Variants in LRRIQ3 observed in about 807,000 individuals in gnomAD.
The protein encoded by LRRIQ3 is leucine rich repeats and IQ motif containing 3.
In LRRIQ3, 75 loss-of-function variants were observed where a neutral mutation model predicts 59.3. The observed-to-expected ratio is 1.26, with a 90% confidence interval of 1.05 to 1.53. The LOEUF is 1.53. Ranked by LOEUF, LRRIQ3 falls within the 40% of genes most tolerant of loss-of-function variation. The pLI, the probability that LRRIQ3 is intolerant of heterozygous loss-of-function variation, is 0.00. For missense variants in LRRIQ3, 831 were observed against 710.0 expected (o/e 1.17, Z -1.94); for synonymous variants, 250 against 231.3 (o/e 1.08, Z -0.73).
At chr1:74,090,906 T>C (rs1646388146) in intron 5 of LRRIQ3, among the ~76,000 whole-genome samples, 1 of 151,826 alleles carries the variant, frequency 6.6e-6, no homozygotes, top group Non-Finnish European at 1.5e-5. Flanking sequence ...TCAAAAAGAA[T>C]AAGTAAATAC....
At chr1:74,114,155 A>G (rs1193041209) in intron 4 of LRRIQ3, among the ~76,000 whole-genome samples, 1 of 151,996 alleles carries the variant, frequency 6.6e-6, no homozygotes, top group African/African-American at 2.4e-5. Flanking sequence ...TGGTAGCTCA[A>G]ATCCACAAAA....
At chr1:74,039,850 C>T (rs1191306606) in intron 7 of LRRIQ3, among the ~76,000 whole-genome samples, 2 of 152,044 alleles carry the variant, frequency 1.3e-5, no homozygotes, top group Non-Finnish European at 2.9e-5. Context: ...ATATAATGAC[C>T]AATGACACTA....
chr1:74,044,609 T>C (rs1331729560), intron 6 of LRRIQ3, among the ~76,000 whole-genome samples: 5 of 151,696 alleles, frequency 3.3e-5, no homozygotes, highest in Admixed American at 1.3e-4. Context: ...AAGAAATAAC[T>C]AAGATCAAAG....
At chr1:74,048,164 A>T (rs1248560102) in intron 6 of LRRIQ3, among the ~76,000 whole-genome samples, 1 of 152,162 alleles carries the variant, frequency 6.6e-6, no homozygotes, top group African/African-American at 2.4e-5. Flanking sequence ...AGACTAACAC[A>T]AAGGAAGTTC....
intron 3 of LRRIQ3, among the ~76,000 whole-genome samples, chr1:74,167,964 A>T (rs1424056571): frequency 6.6e-6 from 1 of 151,914 alleles, no homozygotes; most frequent in African/African-American, 2.4e-5. Flanking sequence ...AAATTTATTG[A>T]TATTTGTTTT....
intron 3 of LRRIQ3, among the ~76,000 whole-genome samples, chr1:74,161,921 T>C (rs545737421): frequency 4.3e-4 from 65 of 151,792 alleles, no homozygotes; most frequent in Non-Finnish European, 4.7e-4. Context: ...GGAATCCTCT[T>C]TGTAAAATAA....
intron 3 of LRRIQ3, among the ~76,000 whole-genome samples, chr1:74,158,960 CCAGCACA>C: frequency 6.6e-6 from 1 of 152,238 alleles, no homozygotes; most frequent in Middle Eastern, 3.4e-3. Flanking sequence ...TCAGCCCCAG[CCAGCACA>C]CAGTCTCCCT....
intron 4 of LRRIQ3, among the ~76,000 whole-genome samples, chr1:74,151,444 C>T: frequency 6.6e-6 from 1 of 151,892 alleles, no homozygotes; most frequent in East Asian, 1.9e-4. Context: ...AAGGTATCCT[C>T]GGGAAATCTA....
At chr1:74,181,858 T>G (rs1649996996) in intron 3 of LRRIQ3, 1 of 151,758 alleles carries the variant, frequency 6.6e-6, no homozygotes, top group Non-Finnish European at 1.5e-5. Context: ...GTTCTATTCT[T>G]CCTCAAAATT....
intron 6 of LRRIQ3, among the ~76,000 whole-genome samples, chr1:74,043,897 T>C (rs1026105530): frequency 6.6e-6 from 1 of 152,100 alleles, no homozygotes; most frequent in Non-Finnish European, 1.5e-5. Flanking sequence ...CTTATCATCA[T>C]TGGGCCTTTG....
chr1:74,168,356 C>A (rs566861235), intron 3 of LRRIQ3, among the ~76,000 whole-genome samples: 5 of 152,112 alleles, frequency 3.3e-5, no homozygotes, highest in Admixed American at 2.6e-4. Flanking sequence ...TCTGATAATT[C>A]CCTTTGTGCT....
intron 3 of LRRIQ3, among the ~76,000 whole-genome samples, chr1:74,168,228 AT>A (rs760700627): frequency 6.6e-6 from 1 of 151,974 alleles, no homozygotes; most frequent in Non-Finnish European, 1.5e-5. Context: ...CCTATCTCTC[AT>A]TTCAGTTTTC....
chr1:74,146,143 TAA>T (rs1647553615), intron 4 of LRRIQ3, among the ~76,000 whole-genome samples: 1 of 152,144 alleles, frequency 6.6e-6, no homozygotes, highest in African/African-American at 2.4e-5. Context: ...CTATATAACC[TAA>T]GTTTGTCAAA....
intron 3 of LRRIQ3, among the ~76,000 whole-genome samples, chr1:74,179,018 T>A (rs1344549563): frequency 6.6e-6 from 1 of 152,114 alleles, no homozygotes; most frequent in South Asian, 2.1e-4. Flanking sequence ...AAGGACTTCC[T>A]ATATCCTAAC....
intron 3 of LRRIQ3, among the ~76,000 whole-genome samples, chr1:74,156,375 A>G (rs1648329004): frequency 6.6e-6 from 1 of 152,182 alleles, no homozygotes; most frequent in South Asian, 2.1e-4. Flanking sequence ...ACCCAGCCTC[A>G]GGTATTTCTT....
At chr1:74,112,329 G>A (rs1451869455) in intron 4 of LRRIQ3, among the ~76,000 whole-genome samples, 1 of 152,102 alleles carries the variant, frequency 6.6e-6, no homozygotes, top group East Asian at 1.9e-4. Flanking sequence ...CACTGTTAAA[G>A]ACAGTAGAGA....
chr1:74,037,463 C>T (rs999087971), intron 7 of LRRIQ3, among the ~76,000 whole-genome samples: 13 of 152,038 alleles, frequency 8.6e-5, no homozygotes, highest in Non-Finnish European at 1.9e-4. Flanking sequence ...CGTGGTGAAA[C>T]CTTGTCTCTA....
intron 5 of LRRIQ3, chr1:74,108,807 A>G (rs1435472480): frequency 1.7e-4 from 52 of 309,572 alleles, no homozygotes; most frequent in South Asian, 1.4e-3. Context: ...CTACCTATTA[A>G]TTATGTAGCT....
chr1:74,187,335 T>C lies in LRRIQ3; in HGVS notation c.1-3651A>G, dbSNP rs561064042. The stretch of plus-strand genomic sequence containing the variant: ...AATGTGAGAGAGATATATAGATATA[T>C]ATATATAGGTATATGTTTACACACA... On this transcript the variant is annotated intron_variant, in intron 1 of 7. Coordinates refer to ENST00000354431, the MANE Select transcript of LRRIQ3 (RefSeq NM_001105659.2). Among the ~76,000 whole-genome samples the C allele has an allele frequency of 6.4e-5, 9 of 140,466 alleles. No homozygotes were observed. In the East Asian group the frequency reaches 2.2e-3, roughly 34 times the overall value. The allele number at this position is 140,466 out of a possible 152,430, so 92.2% of individuals were successfully genotyped here.
Sources: allele counts gnomAD v4.1 joint callset (sites outside exome capture counted in the v4.1 genomes callset), GRCh38; gene constraint gnomAD v4.1.1; transcripts MANE v1.5; gene names NCBI Gene and HGNC (gene_info 2026-07-23, HGNC 2026-07-21).